ABTB3: variants seen among roughly 807,000 people sequenced by gnomAD.
ABTB3 encodes ankyrin repeat and BTB domain containing 3.
chr12:107,357,315 C>G, the ABTB3 span, among the ~76,000 whole-genome samples: 2 of 152,160 alleles, frequency 1.3e-5, no homozygotes, highest in Non-Finnish European at 2.9e-5. Context: ...ACCCAATGCC[C>G]CAGGCTTTCA....
At chr12:107,459,160 T>C in the ABTB3 span, among the ~76,000 whole-genome samples, 1 of 152,306 alleles carries the variant, frequency 6.6e-6, no homozygotes, top group South Asian at 2.1e-4. Flanking sequence ...GAGTAGGCAC[T>C]GTTATTATGC....
At chr12:107,609,487 T>C in the ABTB3 span, among the ~76,000 whole-genome samples, 1 of 152,242 alleles carries the variant, frequency 6.6e-6, no homozygotes, top group Admixed American at 6.5e-5. Flanking sequence ...ATATTCCTGT[T>C]TGATCTTGCC....
the ABTB3 span, among the ~76,000 whole-genome samples, chr12:107,344,080 C>T: frequency 4.6e-5 from 7 of 152,192 alleles, no homozygotes; most frequent in East Asian, 1.3e-3. Flanking sequence ...GGATTCCAGT[C>T]TCAAGGTAGC....
At chr12:107,336,815 G>A in the ABTB3 span, among the ~76,000 whole-genome samples, 4 of 152,036 alleles carry the variant, frequency 2.6e-5, no homozygotes, top group Non-Finnish European at 5.9e-5. Context: ...TTACTATCCC[G>A]GCAACACCTA....
the ABTB3 span, among the ~76,000 whole-genome samples, chr12:107,394,127 C>G: frequency 6.6e-6 from 1 of 152,154 alleles, no homozygotes; most frequent in African/African-American, 2.4e-5. Context: ...GAAGCCCCAT[C>G]AATCATCACC....
chr12:107,357,792 A>C, the ABTB3 span, among the ~76,000 whole-genome samples: 1 of 152,220 alleles, frequency 6.6e-6, no homozygotes, highest in African/African-American at 2.4e-5. Flanking sequence ...CTCAGACTAC[A>C]TGTGCTCAGC....
chr12:107,548,346 C>A, the ABTB3 span, among the ~76,000 whole-genome samples: 1 of 152,266 alleles, frequency 6.6e-6, no homozygotes, highest in African/African-American at 2.4e-5. Context: ...TTCATCTGTG[C>A]CCAACAGACG....
the ABTB3 span, among the ~76,000 whole-genome samples, chr12:107,614,301 T>C: frequency 6.6e-6 from 1 of 152,186 alleles, no homozygotes; most frequent in South Asian, 2.1e-4. Context: ...TCATTCATGA[T>C]GCGTCCTGGG....
At chr12:107,539,187 G>A in the ABTB3 span, among the ~76,000 whole-genome samples, 2 of 151,956 alleles carry the variant, frequency 1.3e-5, no homozygotes, top group Non-Finnish European at 2.9e-5. Flanking sequence ...AGCATATTGG[G>A]GCTTCTACCT....
chr12:107,577,259 C>A, the ABTB3 span, among the ~76,000 whole-genome samples: 1 of 152,238 alleles, frequency 6.6e-6, no homozygotes, highest in Non-Finnish European at 1.5e-5. Flanking sequence ...AATAGATCAT[C>A]TGATGCAAAC....
chr12:107,609,050 G>C, the ABTB3 span, among the ~76,000 whole-genome samples: 17 of 151,912 alleles, frequency 1.1e-4, no homozygotes, highest in East Asian at 9.7e-4. Context: ...CCCCACGAAG[G>C]CTTGCTGGAT....
At chr12:107,498,302 G>T in the ABTB3 span, among the ~76,000 whole-genome samples, 1 of 152,218 alleles carries the variant, frequency 6.6e-6, no homozygotes, top group African/African-American at 2.4e-5. Flanking sequence ...AGTGAAATTA[G>T]ATGTCTGGAC....
the ABTB3 span, among the ~76,000 whole-genome samples, chr12:107,552,269 G>T: frequency 6.6e-6 from 1 of 152,098 alleles, no homozygotes; most frequent in Non-Finnish European, 1.5e-5. Flanking sequence ...AAGAAATAAA[G>T]TTTGAAAGCC....
At chr12:107,644,515 G>A in the ABTB3 span, among the ~76,000 whole-genome samples, 10 of 152,188 alleles carry the variant, frequency 6.6e-5, no homozygotes, top group Non-Finnish European at 1.3e-4. Flanking sequence ...CAGAATACCT[G>A]GAGAAGGGTG....
At chr12:107,336,532 C>T in the ABTB3 span, among the ~76,000 whole-genome samples, 6 of 152,158 alleles carry the variant, frequency 3.9e-5, no homozygotes, top group Admixed American at 2.6e-4. Context: ...AACAGAATGA[C>T]GTGACGTCTA....
At chr12:107,619,597 C>G in the ABTB3 span, among the ~76,000 whole-genome samples, 7 of 152,212 alleles carry the variant, frequency 4.6e-5, no homozygotes, top group East Asian at 1.4e-3. Flanking sequence ...GCTTCTTTCC[C>G]CAGTAAGTAG....
chr12:107,618,127 G>C, the ABTB3 span: 1 of 1,602,526 alleles, frequency 6.2e-7, no homozygotes, highest in East Asian at 2.2e-5. Context: ...CCATCTCTGA[G>C]TGTCATCCTC....
the ABTB3 span, among the ~76,000 whole-genome samples, chr12:107,516,899 CA>C: frequency 6.6e-6 from 1 of 152,232 alleles, no homozygotes; most frequent in Admixed American, 6.5e-5. Context: ...ATGCCAGTGT[CA>C]TCTCTTCAGT....
At chr12:107,320,190 G>A in the ABTB3 span, 2 of 1,316,070 alleles carry the variant, frequency 1.5e-6, no homozygotes, top group Non-Finnish European at 9.8e-7. Flanking sequence ...GTCCCAAGCC[G>A]CTGAGGAGGC....
Sources: gnomAD v4.1 joint callset for allele counts (sites outside exome capture counted in the v4.1 genomes callset) on GRCh38, gnomAD v4.1.1 for gene constraint, MANE v1.5 for transcripts, NCBI Gene and HGNC (gene_info 2026-07-23, HGNC 2026-07-21) for gene names.